TXLNB: variants seen among roughly 807,000 people sequenced by gnomAD.
TXLNB encodes taxilin beta, also known as beta-taxilin.
Under a neutral mutation model 57.4 loss-of-function variants are expected in TXLNB, and 37 were observed. That is an observed-to-expected ratio of 0.64 (90% CI 0.50 to 0.85). The LOEUF is 0.85. Among genes scored for constraint, TXLNB ranks in the 40% least tolerant of loss-of-function variants. The pLI, the probability that TXLNB is intolerant of heterozygous loss-of-function variation, is 0.00. For missense variants in TXLNB, 848 were observed against 825.6 expected (o/e 1.03, Z -0.33); for synonymous variants, 302 against 309.6 (o/e 0.98, Z 0.26).
At chr6:139,222,274 GAA>G in the TXLNB span, among the ~76,000 whole-genome samples, 1 of 152,092 alleles carries the variant, frequency 6.6e-6, no homozygotes. Flanking sequence ...GATACAGCAT[GAA>G]AATATTAACC....
At chr6:139,248,508 A>T (rs891957480) in intron 7 of TXLNB, among the ~76,000 whole-genome samples, 7 of 152,118 alleles carry the variant, frequency 4.6e-5, no homozygotes, top group Non-Finnish European at 1.0e-4. Context: ...AAAAAAAAAA[A>T]GAAAAAAATG....
chr6:139,263,218 A>G (rs1345596556), intron 4 of TXLNB, among the ~76,000 whole-genome samples: 4 of 152,248 alleles, frequency 2.6e-5, no homozygotes, highest in Non-Finnish European at 5.9e-5. Flanking sequence ...ACCATGGCAT[A>G]TTAACCACAT....
At chr6:139,210,014 C>T in the TXLNB span, among the ~76,000 whole-genome samples, 1 of 151,844 alleles carries the variant, frequency 6.6e-6, no homozygotes, top group East Asian at 1.9e-4. Context: ...AACAAATCAA[C>T]AAGAAAAAAT....
chr6:139,174,754 A>G, the TXLNB span: 3 of 557,676 alleles, frequency 5.4e-6, no homozygotes, highest in South Asian at 3.7e-5. Flanking sequence ...CATTTCCAGT[A>G]TATTAGGTCA....
chr6:139,165,986 G>A, the TXLNB span: 4 of 276,108 alleles, frequency 1.4e-5, no homozygotes, highest in Non-Finnish European at 2.7e-5. Flanking sequence ...CACCTTAGAC[G>A]AGAAATCGGT....
At chr6:139,272,898 G>A (rs1776801491) in intron 3 of TXLNB, among the ~76,000 whole-genome samples, 1 of 152,138 alleles carries the variant, frequency 6.6e-6, no homozygotes, top group Admixed American at 6.5e-5. Context: ...GCTGAGCCTA[G>A]GGGCGGGTGC....
At position 139,243,140 on chromosome 6, in the gene TXLNB, T is replaced by A. The variant is rs762914843; in HGVS notation, c.1441A>T (p.Asn481Tyr). Residue 481 changes from asparagine (N) to tyrosine (Y), a missense_variant, in exon 10 of 10, where the codon AAC (asparagine) becomes TAC (tyrosine). Transcript: ENST00000358430. The stretch of plus-strand genomic sequence containing the variant: ...TCAATCTCTTGATCCACAGAGACGT[T>A]TGACTCTGGCTCTTCATCGGAGTTG... ...QHNSDEEPESNVSVDQEIDAE... is the reference protein window; with the variant it reads ...QHNSDEEPESYVSVDQEIDAE... 4 of 1,614,108 alleles carry A rather than the reference T, an allele frequency of 2.5e-6. No homozygotes were observed. Among genetic ancestry groups the A allele is most frequent in the Admixed American group, 1.7e-5 (1 of 60,004 alleles).
the TXLNB span, among the ~76,000 whole-genome samples, chr6:139,303,116 A>G: frequency 3.9e-5 from 6 of 152,220 alleles, no homozygotes; most frequent in Non-Finnish European, 5.9e-5. Flanking sequence ...TTAGAGTTCT[A>G]TAGTAGTGTC....
At chr6:139,167,948 A>G in the TXLNB span, among the ~76,000 whole-genome samples, 2 of 152,200 alleles carry the variant, frequency 1.3e-5, no homozygotes, top group African/African-American at 4.8e-5. Flanking sequence ...GGTTAGTATA[A>G]GAAATCTGTC....
At chr6:139,292,332 G>C (rs1215854508), upstream of TXLNB, among the ~76,000 whole-genome samples, 2 of 152,200 alleles carry the variant, frequency 1.3e-5, no homozygotes, top group Non-Finnish European at 2.9e-5. This position sits in a 1 kb window ranked among gnomAD's most constrained non-coding sequence, Gnocchi z 4.0. Context: ...TGCAAATGCA[G>C]TCTTTCACCA....
chr6:139,228,524 C>A, the TXLNB span, among the ~76,000 whole-genome samples: 1 of 117,924 alleles, frequency 8.5e-6, no homozygotes, highest in Non-Finnish European at 1.7e-5. Context: ...GAAACTCCAT[C>A]TCAAAAAAAA....
intron 3 of TXLNB, chr6:139,271,216 G>A (rs1034369644): frequency 3.3e-5 from 5 of 152,324 alleles, no homozygotes; most frequent in Admixed American, 6.6e-5. Context: ...AGCATTGACG[G>A]GTTTTCACCA....
In TXLNB at chr6:139,248,237, T is replaced by C. The variant is rs7765282; in HGVS notation, c.1078-328A>G. Reference sequence around the variant, plus strand: ...GCAGTGAGCCGAGATCGTGCCACTGTACTCCAGCCTGGGCGACAGAGCGAG... The same window carrying C: ...GCAGTGAGCCGAGATCGTGCCACTGCACTCCAGCCTGGGCGACAGAGCGAG... On this transcript the variant is annotated intron_variant, in intron 7 of 9. Coordinates refer to ENST00000358430, the MANE Select transcript of TXLNB (RefSeq NM_153235.4). Among the ~76,000 whole-genome samples, 227 of 149,424 alleles carry C rather than the reference T, an allele frequency of 1.5e-3. 3 individuals carry two copies. In the East Asian group the frequency reaches 0.027, roughly 18 times the overall value.
intron 8 of TXLNB, among the ~76,000 whole-genome samples, chr6:139,246,428 C>T (rs11155044): frequency 0.084 from 12,839 of 152,216 alleles, 594 homozygotes; most frequent in Middle Eastern, 0.11. Context: ...AATCCCTGTT[C>T]GGAAACACAG....
At chr6:139,292,080 GCGCGCGCACACA>G (rs57153646), upstream of TXLNB, 6,660 of 140,404 alleles carry the variant, frequency 0.047, 478 homozygotes, top group African/African-American at 0.18. The surrounding 1 kb of genome is among the most constrained non-coding windows in gnomAD (Gnocchi z 4.0). Flanking sequence ...GTGCACGCAC[GCGCGCGCACACA>G]CACACACACA....
At chr6:139,233,230 T>C in the TXLNB span, among the ~76,000 whole-genome samples, 2 of 151,544 alleles carry the variant, frequency 1.3e-5, no homozygotes, top group African/African-American at 4.8e-5. Flanking sequence ...CACTATTTTA[T>C]ATACTGGATG....
At chr6:139,286,969 A>G (rs925366253) in intron 2 of TXLNB, 2 of 152,864 alleles carry the variant, frequency 1.3e-5, no homozygotes, top group Non-Finnish European at 2.9e-5. Flanking sequence ...TGCACAATAA[A>G]TGTAATGCAC....
the TXLNB span, among the ~76,000 whole-genome samples, chr6:139,170,978 C>CT: frequency 1.3e-5 from 2 of 151,886 alleles, no homozygotes; most frequent in African/African-American, 4.8e-5. Flanking sequence ...ACAAAATTCA[C>CT]TTTGTTTCTA....
chr6:139,218,315 G>A, the TXLNB span, among the ~76,000 whole-genome samples: 1 of 152,186 alleles, frequency 6.6e-6, no homozygotes, highest in Admixed American at 6.5e-5. Context: ...ATAATTGTCA[G>A]AAATGTGCTA....
Sources: allele counts gnomAD v4.1 joint callset (sites outside exome capture counted in the v4.1 genomes callset), GRCh38; gene constraint gnomAD v4.1.1; non-coding constraint Gnocchi (gnomAD v3.1); transcripts MANE v1.5; gene names NCBI Gene and HGNC (gene_info 2026-07-23, HGNC 2026-07-21).